LGR6: variants seen among roughly 807,000 people sequenced by gnomAD.
LGR6 encodes the protein leucine rich repeat containing G protein-coupled receptor 6, also known as leucine-rich repeat-containing G protein-coupled receptor 6.
In LGR6, 45 loss-of-function variants were observed where a neutral mutation model predicts 69.4. That is an observed-to-expected ratio of 0.65 (90% CI 0.51 to 0.83). LGR6 has a LOEUF of 0.83. Among genes scored for constraint, LGR6 ranks in the 40% least tolerant of loss-of-function variants. The pLI, the probability that LGR6 is intolerant of heterozygous loss-of-function variation, is 0.00. For missense variants in LGR6, 1,108 were observed against 1,246.7 expected, an observed-to-expected ratio of 0.89 and a Z score of 1.68; for synonymous variants, 538 against 555.0, an observed-to-expected ratio of 0.97 and a Z score of 0.43.
At chr1:202,196,132 G>C (rs1244831591) in intron 1 of LGR6, among the ~76,000 whole-genome samples, 1 of 152,118 alleles carries the variant, frequency 6.6e-6, no homozygotes, top group East Asian at 1.9e-4. Flanking sequence ...AGAGTATGAT[G>C]GGTCCTGAGG....
At chr1:202,255,381 C>T (rs1443719008) in intron 4 of LGR6, among the ~76,000 whole-genome samples, 1 of 152,112 alleles carries the variant, frequency 6.6e-6, no homozygotes, top group African/African-American at 2.4e-5. Flanking sequence ...ATTACCAGGA[C>T]CTGGTGACTG....
chr1:202,301,022 G>C, intron 8 of LGR6, 102 bp downstream of exon 8: 1 of 1,308,938 alleles, frequency 7.6e-7, no homozygotes. Flanking sequence ...GCACCAGGGA[G>C]GCAGAAGTAT....
chr1:202,305,843 A>G (rs1653132044), intron 12 of LGR6, 94 bp downstream of exon 12: 6 of 949,414 alleles, frequency 6.3e-6, no homozygotes, highest in Non-Finnish European at 5.2e-6. Flanking sequence ...GTAAGGGCCA[A>G]TGCACACTTT....
At chr1:202,200,714 G>T (rs1429665259) in intron 1 of LGR6, among the ~76,000 whole-genome samples, 1 of 152,190 alleles carries the variant, frequency 6.6e-6, no homozygotes, top group Admixed American at 6.5e-5. Flanking sequence ...AGTCCCTAAT[G>T]ACAATTCAGG....
Position 202,228,017 on chromosome 1 carries a change from G to C in LGR6, c.356+10G>C, listed in dbSNP as rs1660695885. On this transcript the variant is annotated intron_variant, in intron 3 of 17. Transcript: ENST00000367278. ...ACAGCCTGAAAATCCTGTAAGTATAGGTACACCTCATTTTACATAGAGCTG... is the reference window on the plus strand; with the variant it reads ...ACAGCCTGAAAATCCTGTAAGTATACGTACACCTCATTTTACATAGAGCTG... 4.4e-6 allele frequency: 7 copies of C among 1,593,992 alleles called. No homozygotes were observed. Among genetic ancestry groups the C allele is most frequent in the African/African-American group, 1.3e-5 (1 of 74,416 alleles).
intron 11 of LGR6, 109 bp downstream of exon 11, chr1:202,304,739 A>T: frequency 1.2e-6 from 1 of 827,608 alleles, no homozygotes; most frequent in Admixed American, 2.1e-5. Flanking sequence ...TTCCTGGAGA[A>T]TGGAGCAGCA....
intron 12 of LGR6, 25 bp from the exon 13 acceptor site, chr1:202,306,843 C>T (rs1290861648): frequency 1.2e-6 from 2 of 1,612,040 alleles, no homozygotes; most frequent in South Asian, 2.2e-5. Context: ...CCTGCCGGCT[C>T]ATCCAGCCTC....
chr1:202,301,375 G>A, intron 9 of LGR6, 140 bp downstream of exon 9: 1 of 719,880 alleles, frequency 1.4e-6, no homozygotes, highest in Non-Finnish European at 2.4e-6. Flanking sequence ...AAGGCTGCAG[G>A]CCTCTGCTTT....
chr1:202,293,494 T>G (rs1426874546), intron 6 of LGR6, among the ~76,000 whole-genome samples: 2 of 152,164 alleles, frequency 1.3e-5, no homozygotes, highest in East Asian at 3.9e-4. Flanking sequence ...TTTGTCTAGA[T>G]AGGAGTGGGT....
At chr1:202,281,583 G>A (rs1220284554) in intron 6 of LGR6, among the ~76,000 whole-genome samples, 1 of 152,106 alleles carries the variant, frequency 6.6e-6, no homozygotes, top group Non-Finnish European at 1.5e-5. Flanking sequence ...TCTGCCAGCT[G>A]GGGTCCCTCA....
At chr1:202,260,003 G>A (rs963181769) in intron 4 of LGR6, among the ~76,000 whole-genome samples, 1 of 152,144 alleles carries the variant, frequency 6.6e-6, no homozygotes, top group African/African-American at 2.4e-5. Flanking sequence ...AATCCTGCCT[G>A]GAAGTAAAAG....
At chr1:202,278,582 G>A (rs1010533902) in intron 5 of LGR6, among the ~76,000 whole-genome samples, 1 of 152,128 alleles carries the variant, frequency 6.6e-6, no homozygotes, top group Non-Finnish European at 1.5e-5. Flanking sequence ...TCATGGGATG[G>A]AGGAGAGAGG....
chr1:202,230,974 C>T (rs1281320966), intron 3 of LGR6, among the ~76,000 whole-genome samples: 1 of 152,206 alleles, frequency 6.6e-6, no homozygotes, highest in African/African-American at 2.4e-5. Context: ...TGCCTTGCTC[C>T]TGGATTGAGT....
chr1:202,194,154 C>A lies in LGR6; in HGVS notation c.165C>A (p.Leu55=), dbSNP rs1658542871. The change falls in exon 1 of 18, where the codon CTC becomes CTA. Residue 55 remains leucine (L), a synonymous_variant. Coordinates refer to ENST00000367278, the MANE Select transcript of LGR6 (RefSeq NM_001017403.2). Reference sequence around the variant, plus strand: ...TGCTGTCTGCCGACTGCTCTGAGCTCGGGCTGTCCGCCGTTCCGGGGGACC... The same window carrying A: ...TGCTGTCTGCCGACTGCTCTGAGCTAGGGCTGTCCGCCGTTCCGGGGGACC... ...GIMLSADCSE[L]GLSAVPGDLD... 1.9e-6 allele frequency: 3 copies of A among 1,575,056 alleles called. No homozygotes were observed. Among genetic ancestry groups the A allele is most frequent in the Non-Finnish European group, 2.6e-6 (3 of 1,169,576 alleles).
chr1:202,281,315 G>T (rs959180271), intron 6 of LGR6, among the ~76,000 whole-genome samples: 3 of 152,152 alleles, frequency 2.0e-5, no homozygotes, highest in Non-Finnish European at 4.4e-5. Flanking sequence ...GGGACTGTTT[G>T]CCAATTGATC....
intron 4 of LGR6, among the ~76,000 whole-genome samples, chr1:202,242,763 C>G (rs1662318959): frequency 6.6e-6 from 1 of 152,098 alleles, no homozygotes. Context: ...GGCAGTGTTC[C>G]CAGGGAGAAC....
intron 6 of LGR6, 39 bp downstream of exon 6, chr1:202,280,891 G>A (rs756192506): frequency 6.4e-7 from 1 of 1,574,710 alleles, no homozygotes; most frequent in Non-Finnish European, 8.7e-7. Context: ...GTCCTGCCTG[G>A]TGATGAAAGC....
chr1:202,247,487 T>G (rs1558033701), intron 4 of LGR6, among the ~76,000 whole-genome samples: 1 of 152,154 alleles, frequency 6.6e-6, no homozygotes. Flanking sequence ...GCAGAAAGTC[T>G]CCAACCCTTA....
At chr1:202,214,262 G>A (rs1276952436) in intron 1 of LGR6, 3 of 1,521,566 alleles carry the variant, frequency 2.0e-6, no homozygotes, top group Non-Finnish European at 2.6e-6. Context: ...AGGGTGCCGA[G>A]CTCCGGAAAG....
Sources: allele counts gnomAD v4.1 joint callset (sites outside exome capture counted in the v4.1 genomes callset), GRCh38; gene constraint gnomAD v4.1.1; transcripts MANE v1.5; gene names NCBI Gene and HGNC (gene_info 2026-07-23, HGNC 2026-07-21).